ASS1: variants seen among roughly 807,000 people sequenced by gnomAD.
ASS1 encodes argininosuccinate synthase 1.
A neutral mutation model predicts 60.5 loss-of-function variants in ASS1; 58 were observed. The ratio of observed to expected loss-of-function variants is 0.96; its 90% CI spans 0.78 to 1.19. The LOEUF (loss-of-function observed/expected upper bound fraction) is 1.19, where lower values mean the gene tolerates loss of function less well. Among genes scored for constraint, ASS1 ranks in the 50% most tolerant of loss-of-function variants. The probability of loss-of-function intolerance (pLI) is 0.00; values close to 1 mark genes in which losing one functional copy is unlikely to be tolerated. For synonymous variants in ASS1, 200 were observed against 206.9 expected, an observed-to-expected ratio of 0.97 and a Z score of 0.29; for missense variants, 454 against 547.3, an observed-to-expected ratio of 0.83 and a Z score of 1.70.
Position 130,470,761 on chromosome 9 carries a change from C to G in ASS1, c.496-73C>G. 7.0e-7 allele frequency: 1 copy of G among 1,438,230 alleles called. No homozygotes were observed. Among genetic ancestry groups the G allele is most frequent in the Non-Finnish European group, 9.8e-7 (1 of 1,021,506 alleles). The allele number at this position is 1,438,230 out of a possible 1,614,324, so 89.1% of individuals were successfully genotyped here. ...CAGAGTTTGGGGCTCTCTGAAAAAG[C>G]AGGGCCCCTGGGACGGACCTCACGC... On this transcript the variant is annotated intron_variant, in intron 6 of 14. Coordinates refer to ENST00000352480, the MANE Select transcript of ASS1 (RefSeq NM_054012.4). This position sits in a 1 kb window ranked among gnomAD's most constrained non-coding sequence, Gnocchi z 4.3.
At chr9:130,462,026 G>A (rs188125988) in intron 4 of ASS1, among the ~76,000 whole-genome samples, 25 of 152,212 alleles carry the variant, frequency 1.6e-4, no homozygotes, top group African/African-American at 4.8e-4. Context: ...CCAGCACCCC[G>A]TCCAGACAGC....
At chr9:130,460,646 A>T (rs1426651499) in intron 4 of ASS1, among the ~76,000 whole-genome samples, 1 of 152,112 alleles carries the variant, frequency 6.6e-6, no homozygotes, top group African/African-American at 2.4e-5. Context: ...GGGGCTGTGG[A>T]GCAGGAGCTA....
At chr9:130,493,066 C>T (rs960534307) in intron 12 of ASS1, among the ~76,000 whole-genome samples, 6 of 152,118 alleles carry the variant, frequency 3.9e-5, no homozygotes, top group African/African-American at 9.7e-5. Flanking sequence ...ATCCCAGCTC[C>T]GTCAGAAAGA....
chr9:130,469,256 G>A (rs1485834543), intron 6 of ASS1, among the ~76,000 whole-genome samples: 2 of 152,224 alleles, frequency 1.3e-5, no homozygotes, highest in African/African-American at 4.8e-5. Context: ...CAGGGCGAGT[G>A]TGTGGGCTGA....
chr9:130,467,537 C>G (rs919800850), intron 6 of ASS1, among the ~76,000 whole-genome samples: 6 of 152,112 alleles, frequency 3.9e-5, no homozygotes, highest in African/African-American at 1.4e-4. Context: ...CAAGGTGCCG[C>G]GTGGTAGGGG....
At position 130,466,147 on chromosome 9, in the gene ASS1, G is replaced by A. The variant is rs556790643; in HGVS notation, c.421-578G>A. 3.9e-4 allele frequency among the ~76,000 whole-genome samples: 60 copies of A among 152,342 alleles called. 3 individuals carry two copies. The South Asian group carries it at 0.012, about 31-fold the overall frequency. ...CCCCGAGTCCTGCTCAGAGGCAGGG[G>A]CCTGGTGAGCTCCAGGGCTGAGTCG... On this transcript the variant is annotated intron_variant, in intron 5 of 14. Transcript: ENST00000352480.
At chr9:130,467,457 C>A (rs1845770793) in intron 6 of ASS1, among the ~76,000 whole-genome samples, 1 of 152,166 alleles carries the variant, frequency 6.6e-6, no homozygotes, top group African/African-American at 2.4e-5. Context: ...CAACTCAGCG[C>A]ACACACCAGA....
intron 2 of ASS1, 132 bp downstream of exon 2, chr9:130,452,465 G>A (rs758639727): frequency 4.2e-5 from 33 of 788,768 alleles, no homozygotes; most frequent in Non-Finnish European, 6.2e-5. Flanking sequence ...CTCTTCTCTC[G>A]AAGCCTGTCT....
In ASS1 at chr9:130,470,923, C is replaced by A. The variant is rs1247130718; in HGVS notation, c.566+19C>A. Reference sequence around the variant, plus strand: ...ACATCAGGTAAATCCCACCCTCCACCCATCCTTGGTCCTCCCGGGCTCATT... The same window carrying A: ...ACATCAGGTAAATCCCACCCTCCACACATCCTTGGTCCTCCCGGGCTCATT... On this transcript the variant is annotated intron_variant, in intron 7 of 14. Coordinates refer to ENST00000352480, the MANE Select transcript of ASS1 (RefSeq NM_054012.4). This position sits in a 1 kb window ranked among gnomAD's most constrained non-coding sequence, Gnocchi z 4.3. The A allele has an allele frequency of 6.2e-7, 1 of 1,613,010 alleles. No homozygotes were observed. Among genetic ancestry groups the A allele is most frequent in the Non-Finnish European group, 8.5e-7 (1 of 1,179,218 alleles).
rs188423363 is a variant in ASS1, at chr9:130,456,323, G to A, written c.174+1950G>A. Among the ~76,000 whole-genome samples, 831 of 151,910 alleles carry A rather than the reference G, an allele frequency of 5.5e-3. 2 individuals are homozygous for A. The highest frequency in any genetic ancestry group is 7.9e-3 in the Non-Finnish European group (536 of 67,936). On this transcript the variant is annotated intron_variant, in intron 3 of 14. Transcript: ENST00000352480. ...TCTACTAAAAATACAAAAATTAGCT[G>A]GGCGCGATGGTGGGTGCCTGTAATC...
Position 130,491,659 on chromosome 9 carries a change from G to A in ASS1, c.970+2195G>A, listed in dbSNP as rs932653659. Among the ~76,000 whole-genome samples, 3 of 152,166 alleles carry A rather than the reference G, an allele frequency of 2.0e-5. No individual in the cohort carries two copies. The highest frequency in any genetic ancestry group is 2.9e-5 in the Non-Finnish European group (2 of 68,028). ...AGGGCACAGTTTGGCTCCTGGCTGCGGTCACGATGCCTCTACACTGGACTG... is the reference window on the plus strand; with the variant it reads ...AGGGCACAGTTTGGCTCCTGGCTGCAGTCACGATGCCTCTACACTGGACTG... On this transcript the variant is annotated intron_variant, in intron 12 of 14. Coordinates refer to ENST00000352480, the MANE Select transcript of ASS1 (RefSeq NM_054012.4). This position sits in a 1 kb window ranked among gnomAD's most constrained non-coding sequence, Gnocchi z 5.3.
intron 8 of ASS1, among the ~76,000 whole-genome samples, chr9:130,472,123 T>A (rs1301835416): frequency 6.6e-6 from 1 of 152,020 alleles, no homozygotes; most frequent in Admixed American, 6.5e-5. Context: ...CAGGGCCAAA[T>A]CTATCATGGG....
intron 6 of ASS1, among the ~76,000 whole-genome samples, chr9:130,467,450 C>T (rs953917223): frequency 2.6e-5 from 4 of 152,242 alleles, no homozygotes; most frequent in Admixed American, 2.6e-4. Context: ...GGAAAAGCAA[C>T]TCAGCGCACA....
In ASS1 at chr9:130,499,675, G is replaced by GCTGCCCTGCCCTGCC. The variant is rs201153157; in HGVS notation, c.1193+118_1193+132dup. 941 of 1,214,538 alleles carry GCTGCCCTGCCCTGCC rather than the reference G, an allele frequency of 7.7e-4. 5 individuals are homozygous for GCTGCCCTGCCCTGCC. In the East Asian group the frequency reaches 0.011, roughly 15 times the overall value. 75.2% of individuals were successfully genotyped at this position (1,214,538 alleles called of 1,614,324 possible). ...GGTAGGCTTTGATGCGACCTTGACT[G>GCTGCCCTGCCCTGCC]CTGCCCTGCCCTGCCCTGCCCTGCC... On this transcript the variant is annotated intron_variant, in intron 14 of 14. Transcript: ENST00000352480.
chr9:130,458,656 AC>A (rs1350507605), intron 4 of ASS1, 67 bp downstream of exon 4: 5 of 1,562,314 alleles, frequency 3.2e-6, no homozygotes, highest in Non-Finnish European at 2.6e-6. Flanking sequence ...GGAGATGAGC[AC>A]CCCTCGAGCG....
intron 6 of ASS1, among the ~76,000 whole-genome samples, chr9:130,467,248 C>T (rs35842179): frequency 0.093 from 14,091 of 152,206 alleles, 842 homozygotes; most frequent in South Asian, 0.12. Flanking sequence ...GCGCTTTCCC[C>T]GGGAACAGGT....
intron 3 of ASS1, among the ~76,000 whole-genome samples, chr9:130,454,941 C>T (rs1332986396): frequency 4.0e-5 from 6 of 151,494 alleles, no homozygotes; most frequent in Non-Finnish European, 8.8e-5. Context: ...ATTCATCCAT[C>T]CATCCATCAT....
intron 11 of ASS1, among the ~76,000 whole-genome samples, chr9:130,487,470 G>A (rs113818417): frequency 2.6e-5 from 4 of 151,210 alleles, no homozygotes; most frequent in South Asian, 2.1e-4. Context: ...TTTAAAATGC[G>A]TAAGCGTGCC....
chr9:130,446,353 C>T (rs1368262659), intron 1 of ASS1, among the ~76,000 whole-genome samples: 1 of 152,106 alleles, frequency 6.6e-6, no homozygotes, highest in African/African-American at 2.4e-5. Flanking sequence ...TGGCTAGGAG[C>T]AGGAACTGGA....
Sources: gnomAD v4.1 joint callset for allele counts (sites outside exome capture counted in the v4.1 genomes callset) on GRCh38, gnomAD v4.1.1 for gene constraint, Gnocchi (gnomAD v3.1) non-coding constraint, MANE v1.5 for transcripts, NCBI Gene and HGNC (gene_info 2026-07-23, HGNC 2026-07-21) for gene names.